Variants in RIN2 observed in about 807,000 individuals in gnomAD.
The protein encoded by RIN2 is Ras and Rab interactor 2.
A neutral mutation model predicts 78.0 loss-of-function variants in RIN2; 36 were observed. That is an observed-to-expected ratio of 0.46 (90% CI 0.35 to 0.61). The LOEUF is 0.61. Ranked by LOEUF, RIN2 falls within the 20% of genes least tolerant of loss-of-function variation. The pLI is 0.00. For synonymous variants in RIN2, 466 were observed against 466.8 expected, an observed-to-expected ratio of 1.00 and a Z score of 0.02; for missense variants, 1,087 against 1,159.7, an observed-to-expected ratio of 0.94 and a Z score of 0.91.
rs10530809 is a variant in RIN2 at position 19,794,532 on chromosome 20, CAAAAAAAAAAAAAA to C, written c.-162-5079_-162-5066del. On this transcript the variant is annotated intron_variant, in intron 1 of 12. Transcript: ENST00000255006. Reference sequence around the variant, plus strand: ...AAGCAACAGGGTGAGACCCTGTATCCAAAAAAAAAAAAAAAAAAAAAAAAGATACAGTGATACTA... The same window carrying C: ...AAGCAACAGGGTGAGACCCTGTATCCAAAAAAAAAAGATACAGTGATACTA... Among the ~76,000 whole-genome samples the C allele has an allele frequency of 1.6e-3, 146 of 88,574 alleles. 1 individual carries two copies. The highest frequency in any genetic ancestry group is 6.0e-3 in the African/African-American group (140 of 23,280). 58.1% of individuals were successfully genotyped at this position (88,574 alleles called of 152,430 possible).
chr20:19,861,895 A>G (rs1049982644), intron 2 of RIN2, among the ~76,000 whole-genome samples: 1 of 147,050 alleles, frequency 6.8e-6, no homozygotes, highest in Non-Finnish European at 1.5e-5. Context: ...ATCACCCTCC[A>G]TATGTGATCA....
Position 19,879,482 on chromosome 20 carries a change from A to G in RIN2, c.-36-10084A>G, listed in dbSNP as rs140678988. On this transcript the variant is annotated intron_variant, in intron 2 of 12. Coordinates refer to ENST00000255006, the MANE Select transcript of RIN2 (RefSeq NM_018993.4). ...CACTGTGCTTCCGCTGACTGTCCAC[A>G]TGGAATCCGTGGGCTTACAAGGAAG... is the stretch of plus-strand genomic sequence containing the variant. 2.4e-4 allele frequency among the ~76,000 whole-genome samples: 36 copies of G among 152,288 alleles called. No individual in the cohort carries two copies. In the East Asian group the frequency reaches 4.1e-3, roughly 17 times the overall value.
At chr20:19,903,587 C>T (rs923221856) in intron 3 of RIN2, among the ~76,000 whole-genome samples, 4 of 152,140 alleles carry the variant, frequency 2.6e-5, no homozygotes, top group Non-Finnish European at 5.9e-5. Context: ...TTTTTGGTTG[C>T]CACCACTGGG....
At chr20:19,831,333 G>A (rs528153064) in intron 2 of RIN2, among the ~76,000 whole-genome samples, 5 of 152,350 alleles carry the variant, frequency 3.3e-5, no homozygotes, top group Non-Finnish European at 2.9e-5. Flanking sequence ...GAAGTATTTA[G>A]TGGGAAGTAC....
At chr20:19,926,950 C>CTCCCTTT (rs972177693) in intron 3 of RIN2, among the ~76,000 whole-genome samples, 1 of 152,204 alleles carries the variant, frequency 6.6e-6, no homozygotes, top group African/African-American at 2.4e-5. Context: ...CTTGGGGTTC[C>CTCCCTTT]TCCCTTTTCC....
rs975315677 is a variant in RIN2 at position 19,970,994 on chromosome 20, G to A, written c.628+65G>A. 7.6e-6 allele frequency: 9 copies of A among 1,179,672 alleles called. No individual in the cohort carries two copies. In the Admixed American group the frequency reaches 1.0e-4, roughly 13 times the overall value. The allele number at this position is 1,179,672 out of a possible 1,614,324, so 73.1% of individuals were successfully genotyped here. ...ATCCATGGAGCAGAGTCAATGGTGG[G>A]CTCACTGAGGCTACATTGCTCCGTC... On this transcript the variant is annotated intron_variant, in intron 8 of 12. Transcript: ENST00000255006.
At chr20:19,967,186 A>T (rs1458188684) in intron 7 of RIN2, among the ~76,000 whole-genome samples, 1 of 152,212 alleles carries the variant, frequency 6.6e-6, no homozygotes, top group Non-Finnish European at 1.5e-5. Flanking sequence ...GGACTGTTTG[A>T]AGATGCAAGG....
intron 1 of RIN2, among the ~76,000 whole-genome samples, chr20:19,774,114 G>A (rs1171960145): frequency 6.6e-6 from 1 of 151,988 alleles, no homozygotes; most frequent in African/African-American, 2.4e-5. Flanking sequence ...GGCCTTTATA[G>A]GCTCCTCTCT....
intron 1 of RIN2, among the ~76,000 whole-genome samples, chr20:19,775,410 T>C (rs2034276607): frequency 6.6e-6 from 1 of 152,218 alleles, no homozygotes; most frequent in Admixed American, 6.5e-5. Flanking sequence ...TTTTGGATGT[T>C]AGCATCTGGC....
intron 4 of RIN2, among the ~76,000 whole-genome samples, chr20:19,956,322 G>T (rs953431775): frequency 2.7e-5 from 4 of 149,890 alleles, no homozygotes; most frequent in Non-Finnish European, 1.5e-5. Flanking sequence ...GGAAGACAAA[G>T]CCTGAATAAA....
At chr20:19,991,002 A>G (rs1207159810) in intron 10 of RIN2, among the ~76,000 whole-genome samples, 2 of 152,198 alleles carry the variant, frequency 1.3e-5, no homozygotes, top group African/African-American at 4.8e-5. Flanking sequence ...GGTAACCATG[A>G]ATCCTGGATA....
rs957776783 is a variant in RIN2 at position 19,996,750 on chromosome 20, C to T, written c.2272C>T (p.Arg758Ter). Residue 758 changes from arginine (R) to a stop codon, truncating the protein, a stop_gained, in exon 12 of 13, where the codon CGA becomes TGA. Transcript: ENST00000255006. LOFTEE classifies it high-confidence loss of function. ...IKNFQEEQAA[R>*]LLSSETRDTL... ...GAATTTCCAAGAAGAACAAGCAGCG[C>T]GACTGCTCAGCTCAGAAACCAGAGA... 6.8e-6 allele frequency: 11 copies of T among 1,613,612 alleles called. No individual in the cohort carries two copies. The highest frequency in any genetic ancestry group is 1.6e-4 in the Middle Eastern group (1 of 6,084).
At chr20:19,809,474 G>A (rs1257345232) in intron 2 of RIN2, 1 of 152,338 alleles carries the variant, frequency 6.6e-6, no homozygotes, top group Non-Finnish European at 1.5e-5. Context: ...CAGTCCCCTA[G>A]CGTCCCAGCC....
rs975610390 is a variant in RIN2 at position 19,920,957 on chromosome 20, G to A, written c.58-14142G>A. ...CAAACTGCTGGGATTAGAGGCGTGAGCCGCCATGCCCAGCCGAAACAGTTT... is the reference window on the plus strand; with the variant it reads ...CAAACTGCTGGGATTAGAGGCGTGAACCGCCATGCCCAGCCGAAACAGTTT... On this transcript the variant is annotated intron_variant, in intron 3 of 12. Coordinates refer to ENST00000255006, the MANE Select transcript of RIN2 (RefSeq NM_018993.4). Among the ~76,000 whole-genome samples the A allele has an allele frequency of 7.9e-5, 12 of 152,206 alleles. 1 individual carries two copies. The South Asian group carries it at 2.3e-3, about 29-fold the overall frequency.
rs544517172 is a variant in RIN2, at chr20:19,909,877, TA to T, written c.57+20222del. Among the ~76,000 whole-genome samples, 35 of 152,214 alleles carry T rather than the reference TA, an allele frequency of 2.3e-4. 1 individual carries two copies. The highest frequency in any genetic ancestry group is 1.4e-3 in the Admixed American group (22 of 15,294). ...AGCCTGGGTGTGGTGCGGCTACTAG[TA>T]AATGGGGACCATGATGCGGCCATGC... On this transcript the variant is annotated intron_variant, in intron 3 of 12. Coordinates refer to ENST00000255006, the MANE Select transcript of RIN2 (RefSeq NM_018993.4).
intron 1 of RIN2, among the ~76,000 whole-genome samples, chr20:19,791,082 GA>G (rs1038887821): frequency 2.0e-5 from 3 of 152,164 alleles, no homozygotes; most frequent in African/African-American, 7.2e-5. Flanking sequence ...GGCCCACAAA[GA>G]AAAACAGGAC....
At chr20:19,769,886 C>G (rs1471896260) in intron 1 of RIN2, among the ~76,000 whole-genome samples, 1 of 152,136 alleles carries the variant, frequency 6.6e-6, no homozygotes, top group Non-Finnish European at 1.5e-5. Context: ...GTATATTTCA[C>G]TTAGCTTAAG....
intron 2 of RIN2, among the ~76,000 whole-genome samples, chr20:19,839,299 T>G (rs1272304155): frequency 6.6e-6 from 1 of 152,214 alleles, no homozygotes; most frequent in Non-Finnish European, 1.5e-5. Flanking sequence ...TCCCTCCTCA[T>G]GGCAGTGAGA....
At chr20:19,896,603 A>C (rs2038741068) in intron 3 of RIN2, among the ~76,000 whole-genome samples, 1 of 152,246 alleles carries the variant, frequency 6.6e-6, no homozygotes, top group Non-Finnish European at 1.5e-5. Context: ...GCCTCTCAGC[A>C]CCTTGCAGTG....
Sources: gnomAD v4.1 joint callset for allele counts (sites outside exome capture counted in the v4.1 genomes callset) on GRCh38, gnomAD v4.1.1 for gene constraint, MANE v1.5 for transcripts, NCBI Gene and HGNC (gene_info 2026-07-23, HGNC 2026-07-21) for gene names.